Variants in SIPA1L1 observed in about 807,000 individuals in gnomAD.
SIPA1L1 encodes signal-induced proliferation-associated 1-like protein 1.
In SIPA1L1, 26 loss-of-function variants were observed where a neutral mutation model predicts 162.7. That is an observed-to-expected ratio of 0.16 (90% CI 0.12 to 0.22). The LOEUF (loss-of-function observed/expected upper bound fraction) is 0.22, where lower values mean the gene tolerates loss of function less well. Ranked by LOEUF, SIPA1L1 falls within the 10% of genes least tolerant of loss-of-function variation. The pLI is 1.00. For missense variants in SIPA1L1, 1,874 were observed against 2,241.0 expected (o/e 0.84, Z 3.31); for synonymous variants, 829 against 837.4 (o/e 0.99, Z 0.17).
chr14:71,362,976 T>A (rs1315378344), intron 2 of SIPA1L1, among the ~76,000 whole-genome samples: 1 of 152,222 alleles, frequency 6.6e-6, no homozygotes, highest in East Asian at 1.9e-4. Context: ...TGGGGTTGGT[T>A]ACTTAAAACA....
intron 5 of SIPA1L1, among the ~76,000 whole-genome samples, chr14:71,608,874 A>G (rs2037846452): frequency 1.3e-5 from 2 of 152,222 alleles, no homozygotes; most frequent in Non-Finnish European, 2.9e-5. Context: ...CCTGGGTGAC[A>G]AAGCGAGACT....
At chr14:71,425,476 G>A (rs1467812841) in intron 2 of SIPA1L1, among the ~76,000 whole-genome samples, 2 of 151,992 alleles carry the variant, frequency 1.3e-5, no homozygotes, top group African/African-American at 4.8e-5. Context: ...TGATCTATTG[G>A]TTAAGAATAT....
At chr14:71,594,329 T>C (rs1378999915) in intron 5 of SIPA1L1, among the ~76,000 whole-genome samples, 1 of 152,244 alleles carries the variant, frequency 6.6e-6, no homozygotes, top group African/African-American at 2.4e-5. Flanking sequence ...ATAGCTGTTA[T>C]AAATTTTAGT....
rs1233173212 is a variant in SIPA1L1, at chr14:71,741,059, T to G, written c.*1898T>G. ...CTCTTTTAAAACACTTTGGTATTAT[T>G]GCTTGAGGTTTGCTTATTTGAAAGA... On this transcript the variant is annotated 3_prime_UTR_variant, in exon 24 of 24. Coordinates refer to ENST00000381232, the MANE Select transcript of SIPA1L1 (RefSeq NM_001386936.1). 2 of 152,214 alleles carry G rather than the reference T, an allele frequency of 1.3e-5. No homozygotes were observed. The highest frequency in any genetic ancestry group is 2.9e-5 in the Non-Finnish European group (2 of 68,020). The allele number at this position is 152,214 out of a possible 1,614,324, so 9.4% of individuals were successfully genotyped here. A position where few individuals can be genotyped will look rare whatever the true frequency, so the allele number is the denominator to read the frequency against.
At chr14:71,570,027 G>A (rs1045678216) in intron 4 of SIPA1L1, among the ~76,000 whole-genome samples, 11 of 152,164 alleles carry the variant, frequency 7.2e-5, no homozygotes, top group African/African-American at 2.7e-4. Flanking sequence ...ATGGAAGGCA[G>A]ATTTTGTATA....
chr14:71,410,423 C>T (rs935866895), intron 2 of SIPA1L1, among the ~76,000 whole-genome samples: 4 of 152,106 alleles, frequency 2.6e-5, no homozygotes, highest in African/African-American at 9.7e-5. Flanking sequence ...CTAGTCAGCT[C>T]ACATACATAT....
At chr14:71,416,428 C>T (rs2042766364) in intron 2 of SIPA1L1, 1 of 151,576 alleles carries the variant, frequency 6.6e-6, no homozygotes, top group East Asian at 1.9e-4. Context: ...TGAGTTGCTT[C>T]GTTTGATAAC....
rs907147701 is a variant in SIPA1L1 at position 71,353,197 on chromosome 14, C to T, written c.-465+32016C>T. On this transcript the variant is annotated intron_variant, in intron 2 of 23. Coordinates refer to ENST00000381232, the MANE Select transcript of SIPA1L1 (RefSeq NM_001386936.1). Reference sequence around the variant, plus strand: ...TCCATTGTATATGTGTATTGCACATCTGTTCTTCCACTTGCTGGCTTGCCT... The same window carrying T: ...TCCATTGTATATGTGTATTGCACATTTGTTCTTCCACTTGCTGGCTTGCCT... Among the ~76,000 whole-genome samples the T allele has an allele frequency of 2.6e-5, 4 of 152,230 alleles. No individual in the cohort carries two copies. The East Asian group carries it at 7.7e-4, about 29-fold the overall frequency.
intron 11 of SIPA1L1, 57 bp downstream of exon 11, chr14:71,671,749 A>G: frequency 1.5e-6 from 2 of 1,362,210 alleles, no homozygotes; most frequent in Non-Finnish European, 2.0e-6. Flanking sequence ...AGTTTTCAAT[A>G]CAGACTAGAG....
At chr14:71,380,015 G>A (rs2141169747) in intron 2 of SIPA1L1, among the ~76,000 whole-genome samples, 2 of 152,100 alleles carry the variant, frequency 1.3e-5, no homozygotes, top group South Asian at 4.1e-4. Context: ...ATAGAATAGA[G>A]GTTTCTTTGA....
intron 4 of SIPA1L1, among the ~76,000 whole-genome samples, chr14:71,559,452 C>G (rs1439302921): frequency 6.6e-6 from 1 of 152,082 alleles, no homozygotes; most frequent in Non-Finnish European, 1.5e-5. Context: ...TAGATTTTCC[C>G]CTGCCCAGTG....
chr14:71,671,232 A>G lies in SIPA1L1; in HGVS notation c.2369A>G (p.Asn790Ser). The change falls in exon 11 of 24, where the codon AAT (asparagine) becomes AGT (serine). Residue 790 changes from asparagine (N) to serine (S), a missense_variant. By Grantham distance (46) the Asn-to-Ser change is conservative (BLOSUM62 1). Coordinates refer to ENST00000381232, the MANE Select transcript of SIPA1L1 (RefSeq NM_001386936.1). ...GACTTCCTTTTGGCGAAAGTGATTA[A>G]TGCAGAAAATGCTGCTCATAAATCG... ...FRDFLLAKVI[N>S]AENAAHKSEK... 1 of 1,614,198 alleles carries G rather than the reference A, an allele frequency of 6.2e-7. No homozygotes were observed. Among genetic ancestry groups the G allele is most frequent in the Non-Finnish European group, 8.5e-7 (1 of 1,180,028 alleles).
At chr14:71,505,178 A>G (rs769695103) in intron 2 of SIPA1L1, among the ~76,000 whole-genome samples, 2 of 152,120 alleles carry the variant, frequency 1.3e-5, no homozygotes, top group African/African-American at 2.4e-5. Context: ...TTCTTTGCCC[A>G]GGTGATCAAC....
In SIPA1L1 at chr14:71,425,931, A is replaced by G. The variant is rs546167133; in HGVS notation, c.-464-86812A>G. On this transcript the variant is annotated intron_variant, in intron 2 of 23. Transcript: ENST00000381232. The stretch of plus-strand genomic sequence containing the variant: ...ATCTTGCTATATTGTATTTTTTGTT[A>G]CTATATAATGTCCTTTTTTTGTTTA... 2.0e-5 allele frequency among the ~76,000 whole-genome samples: 3 copies of G among 152,194 alleles called. No homozygotes were observed. In the East Asian group the frequency reaches 5.8e-4, roughly 29 times the overall value.
intron 2 of SIPA1L1, among the ~76,000 whole-genome samples, chr14:71,409,428 A>T (rs191467522): frequency 6.6e-6 from 1 of 152,292 alleles, no homozygotes; most frequent in Admixed American, 6.5e-5. Flanking sequence ...TAGGGAAGGC[A>T]TTATATGACA....
intron 4 of SIPA1L1, among the ~76,000 whole-genome samples, chr14:71,572,784 A>G (rs1215434272): frequency 6.6e-6 from 1 of 152,378 alleles, no homozygotes; most frequent in East Asian, 1.9e-4. Flanking sequence ...AAATAAAGCA[A>G]ATGAAAATAA....
chr14:71,440,030 T>G (rs963687506), intron 2 of SIPA1L1, among the ~76,000 whole-genome samples: 63 of 152,306 alleles, frequency 4.1e-4, no homozygotes, highest in African/African-American at 1.5e-3. Flanking sequence ...CTTCTGAACT[T>G]ATTTTTTGTT....
intron 2 of SIPA1L1, among the ~76,000 whole-genome samples, chr14:71,343,259 T>C (rs942207174): frequency 1.4e-4 from 21 of 152,174 alleles, no homozygotes; most frequent in Admixed American, 4.6e-4. Flanking sequence ...CCACCATCAA[T>C]CCACAAAGTC....
At chr14:71,582,172 A>G (rs919148306) in intron 4 of SIPA1L1, among the ~76,000 whole-genome samples, 2 of 152,076 alleles carry the variant, frequency 1.3e-5, no homozygotes, top group African/African-American at 4.8e-5. Context: ...TGTTTCTACA[A>G]AAAATTTTAA....
Sources: allele counts gnomAD v4.1 joint callset (sites outside exome capture counted in the v4.1 genomes callset), GRCh38; gene constraint gnomAD v4.1.1; transcripts MANE v1.5; gene names NCBI Gene and HGNC (gene_info 2026-07-23, HGNC 2026-07-21).